FMN1: variants seen among roughly 807,000 people sequenced by gnomAD.
FMN1 encodes formin-1.
Under a neutral mutation model 132.4 loss-of-function variants are expected in FMN1, and 110 were observed. The ratio of observed to expected loss-of-function variants is 0.83; its 90% CI spans 0.71 to 0.97. The LOEUF (loss-of-function observed/expected upper bound fraction) is 0.97, where lower values mean the gene tolerates loss of function less well. Ranked by LOEUF, FMN1 falls within the 50% of genes least tolerant of loss-of-function variation. The pLI is 0.00. For synonymous variants in FMN1, 722 were observed against 651.7 expected, an observed-to-expected ratio of 1.11 and a Z score of -1.64; for missense variants, 1,792 against 1,705.3, an observed-to-expected ratio of 1.05 and a Z score of -0.90.
At chr15:33,063,846 T>C (rs562218850) in intron 6 of FMN1, 25 of 152,334 alleles carry the variant, frequency 1.6e-4, no homozygotes, top group Non-Finnish European at 3.5e-4. Flanking sequence ...TCCACCCTTA[T>C]GCTGTTCATT....
chr15:33,118,101 G>A (rs1002805511), intron 4 of FMN1, among the ~76,000 whole-genome samples: 11 of 152,152 alleles, frequency 7.2e-5, no homozygotes, highest in African/African-American at 2.7e-4. Flanking sequence ...CTGAGAAAAT[G>A]TAAATACATG....
intron 6 of FMN1, among the ~76,000 whole-genome samples, chr15:33,038,637 C>T (rs902792308): frequency 2.6e-5 from 4 of 152,202 alleles, no homozygotes; most frequent in African/African-American, 9.7e-5. Flanking sequence ...AATTAGTCAA[C>T]ATAAAACAGG....
intron 5 of FMN1, chr15:33,066,952 C>T (rs368824863): frequency 1.9e-5 from 30 of 1,613,850 alleles, no homozygotes; most frequent in Middle Eastern, 3.3e-4. Context: ...GCACAGGCTG[C>T]GTCAATTTGA....
intron 15 of FMN1, among the ~76,000 whole-genome samples, chr15:32,898,614 G>C (rs1339052116): frequency 1.3e-5 from 2 of 152,118 alleles, no homozygotes; most frequent in African/African-American, 4.8e-5. Context: ...CTGTGTTATA[G>C]TCGATTGAGA....
intron 4 of FMN1, among the ~76,000 whole-genome samples, chr15:33,125,688 A>G (rs1213729983): frequency 7.2e-6 from 1 of 139,654 alleles, no homozygotes; most frequent in Non-Finnish European, 1.5e-5. Flanking sequence ...AAAATACAAA[A>G]ATTAGTCAGG....
intron 18 of FMN1, among the ~76,000 whole-genome samples, chr15:32,802,291 C>T (rs977976276): frequency 1.3e-5 from 2 of 152,176 alleles, no homozygotes; most frequent in African/African-American, 2.4e-5. Context: ...GAGCCTGTAG[C>T]GAAGTGAACT....
chr15:32,809,694 G>C (rs1453044535), intron 17 of FMN1, among the ~76,000 whole-genome samples: 1 of 151,840 alleles, frequency 6.6e-6, no homozygotes, highest in African/African-American at 2.4e-5. Flanking sequence ...TCCTCTGAGG[G>C]GCCCTCCATG....
chr15:32,858,032 T>C (rs1567280987), intron 16 of FMN1, among the ~76,000 whole-genome samples: 1 of 152,196 alleles, frequency 6.6e-6, no homozygotes, highest in African/African-American at 2.4e-5. Flanking sequence ...TCCAAAAGCC[T>C]ATTAATAAAG....
At chr15:33,123,930 C>T (rs948718790) in intron 4 of FMN1, among the ~76,000 whole-genome samples, 3 of 152,234 alleles carry the variant, frequency 2.0e-5, no homozygotes, top group Non-Finnish European at 4.4e-5. Flanking sequence ...GTTCTCCCCT[C>T]ATGGTATCAA....
intron 17 of FMN1, among the ~76,000 whole-genome samples, chr15:32,823,507 A>T (rs2058288209): frequency 6.6e-6 from 1 of 152,108 alleles, no homozygotes; most frequent in African/African-American, 2.4e-5. Flanking sequence ...GGGCCCAAAG[A>T]GGTCATCTCT....
intron 9 of FMN1, among the ~76,000 whole-genome samples, chr15:32,940,418 T>A (rs1422738784): frequency 1.3e-5 from 2 of 151,774 alleles, no homozygotes; most frequent in Non-Finnish European, 2.9e-5. Context: ...TGTGTGTGTG[T>A]GTGTGTGTGT....
At chr15:33,055,703 T>C (rs758501450) in intron 6 of FMN1, among the ~76,000 whole-genome samples, 52 of 151,868 alleles carry the variant, frequency 3.4e-4, no homozygotes, top group Non-Finnish European at 5.0e-4. Context: ...AATTAAAATA[T>C]ATGTATTTTC....
At chr15:32,885,140 T>C (rs553056723) in intron 16 of FMN1, among the ~76,000 whole-genome samples, 92 of 152,366 alleles carry the variant, frequency 6.0e-4, no homozygotes, top group African/African-American at 2.2e-3. Flanking sequence ...AGCCTGATCT[T>C]AGTCCTATGT....
intron 14 of FMN1, 108 bp downstream of exon 14, chr15:32,899,871 A>C (rs1038182510): frequency 1.9e-6 from 2 of 1,060,218 alleles, no homozygotes; most frequent in Non-Finnish European, 2.7e-6. Context: ...AATGTTGTTA[A>C]GGGGAGGATA....
Position 32,771,108 on chromosome 15 carries a change from TCTCA to T in FMN1, c.*3198_*3201del, listed in dbSNP as rs769635980. ...TGATGCTTTTTTTTTTGAAACGGAG[TCTCA>T]CTGTCGCCCAGGCTGGAGTGCAGTG... is the stretch of plus-strand genomic sequence containing the variant. On this transcript the variant is annotated 3_prime_UTR_variant, in exon 21 of 21. Transcript: ENST00000616417. 4.0e-5 allele frequency: 6 copies of T among 150,132 alleles called. No homozygotes were observed. The highest frequency in any genetic ancestry group is 5.9e-5 in the Non-Finnish European group (4 of 67,718). 9.3% of individuals were successfully genotyped at this position (150,132 alleles called of 1,614,324 possible). A position where few individuals can be genotyped will look rare whatever the true frequency, so the allele number is the denominator to read the frequency against.
At chr15:32,891,999 A>AAAC (rs2060042995) in intron 15 of FMN1, among the ~76,000 whole-genome samples, 1 of 152,154 alleles carries the variant, frequency 6.6e-6, no homozygotes, top group Non-Finnish European at 1.5e-5. Context: ...TATCATCAGC[A>AAAC]AACAGTGACA....
chr15:32,776,687 CT>C lies in FMN1; in HGVS notation c.4215+147del, dbSNP rs34593790. 0.21 allele frequency: 93,880 copies of C among 444,468 alleles called. 192 individuals are homozygous for C. The highest frequency in any genetic ancestry group is 0.28 in the East Asian group (7,647 of 27,702). 27.5% of individuals were successfully genotyped at this position (444,468 alleles called of 1,614,324 possible). A position where few individuals can be genotyped will look rare whatever the true frequency, so the allele number is the denominator to read the frequency against. ...TGTTTTGTACCTCCACCCACACATA[CT>C]TTTTTTTTTTTTTTTTTAACCATAT... On this transcript the variant is annotated intron_variant, in intron 20 of 20. Transcript: ENST00000616417.
chr15:32,858,659 C>A (rs2059191459), intron 16 of FMN1, among the ~76,000 whole-genome samples: 1 of 152,242 alleles, frequency 6.6e-6, no homozygotes, highest in Non-Finnish European at 1.5e-5. Flanking sequence ...CGTTGGGAGG[C>A]AAAGACTAAT....
intron 5 of FMN1, among the ~76,000 whole-genome samples, chr15:33,078,247 C>G (rs2038301704): frequency 6.6e-6 from 1 of 152,128 alleles, no homozygotes; most frequent in Non-Finnish European, 1.5e-5. Flanking sequence ...ATATTCTTAA[C>G]CAAGTGCTTG....
Sources: allele counts gnomAD v4.1 joint callset (sites outside exome capture counted in the v4.1 genomes callset), GRCh38; gene constraint gnomAD v4.1.1; transcripts MANE v1.5; gene names NCBI Gene and HGNC (gene_info 2026-07-23, HGNC 2026-07-21).